The following PHKA1 variants were observed in gnomAD, a reference collection of about 807,000 sequenced individuals.
PHKA1 encodes the protein phosphorylase kinase regulatory subunit alpha 1.
A neutral mutation model predicts 110.2 loss-of-function variants in PHKA1; 60 were observed. The ratio of observed to expected loss-of-function variants is 0.54; its 90% CI spans 0.44 to 0.68. The LOEUF (loss-of-function observed/expected upper bound fraction) is 0.68, where lower values mean the gene tolerates loss of function less well. PHKA1 is among the 30% of genes least tolerant of loss of function. The pLI is 0.00. For synonymous variants in PHKA1, 316 were observed against 333.6 expected (o/e 0.95, Z 0.58); for missense variants, 801 against 942.5 (o/e 0.85, Z 1.97).
At chrX:72,656,711 AAG>A (rs1401306105) in intron 9 of PHKA1, among the ~76,000 whole-genome samples, 6 of 112,027 alleles carry the variant, frequency 5.4e-5, no homozygotes, top group African/African-American at 1.9e-4. Context: ...GAATAACAGA[AAG>A]AGAAGAATCA....
intron 6 of PHKA1, among the ~76,000 whole-genome samples, chrX:72,674,414 G>T (rs373158397): frequency 9.0e-6 from 1 of 111,007 alleles, no homozygotes; most frequent in Non-Finnish European, 1.9e-5. Context: ...CTAGTTTACA[G>T]TCCCACCAAC....
At chrX:72,709,915 C>G (rs782708925) in intron 2 of PHKA1, among the ~76,000 whole-genome samples, 1 of 108,456 alleles carries the variant, frequency 9.2e-6, no homozygotes, top group Non-Finnish European at 1.9e-5. Flanking sequence ...TGGTGGTGCA[C>G]GCCTGTGATC....
chrX:72,662,093 T>C (rs551814086), intron 8 of PHKA1, among the ~76,000 whole-genome samples: 1 of 112,259 alleles, frequency 8.9e-6, no homozygotes, highest in South Asian at 3.7e-4. Flanking sequence ...CTGCAGTCCT[T>C]ACTATAGGAG....
intron 28 of PHKA1, among the ~76,000 whole-genome samples, chrX:72,600,866 C>T (rs782187771): frequency 4.1e-4 from 46 of 111,483 alleles, no homozygotes; most frequent in Non-Finnish European, 6.8e-4. Flanking sequence ...AAAAAAGAAA[C>T]GAAAACTAAA....
Position 72,602,378 on chromosome X carries a change from T to A in PHKA1, c.2918-105A>T. On this transcript the variant is annotated intron_variant, in intron 26 of 31. Transcript: ENST00000373542. Reference sequence around the variant, plus strand: ...TTCATATATATCCTTATTTTTAACTTAATTTAAAAACTATAACCTTGCTAT... The same window carrying A: ...TTCATATATATCCTTATTTTTAACTAAATTTAAAAACTATAACCTTGCTAT... 6 of 534,166 alleles carry A rather than the reference T, an allele frequency of 1.1e-5. No individual in the cohort carries two copies. In the South Asian group the frequency reaches 1.6e-4, roughly 14 times the overall value. 44.0% of individuals were successfully genotyped at this position (534,166 alleles called of 1,213,427 possible).
chrX:72,628,111 G>C (rs2053110702), intron 16 of PHKA1, among the ~76,000 whole-genome samples: 1 of 110,813 alleles, frequency 9.0e-6, no homozygotes. Flanking sequence ...TTACAGGCGT[G>C]AGCCACCGCG....
intron 3 of PHKA1, among the ~76,000 whole-genome samples, chrX:72,701,662 T>A (rs1483776783): frequency 9.0e-6 from 1 of 111,669 alleles, no homozygotes; most frequent in Admixed American, 9.5e-5. Context: ...GAGATTGCAG[T>A]GAGCTGAGAT....
intron 14 of PHKA1, among the ~76,000 whole-genome samples, chrX:72,639,265 G>T (rs1230276833): frequency 8.9e-6 from 1 of 111,929 alleles, no homozygotes. Flanking sequence ...TGGGTGCAGT[G>T]GTTCACGCCT....
intron 5 of PHKA1, among the ~76,000 whole-genome samples, chrX:72,680,863 GC>G (rs1303606591): frequency 1.1e-4 from 8 of 73,270 alleles, no homozygotes; most frequent in African/African-American, 4.6e-4. Context: ...GAGCGGACGG[GC>G]CCCGCGGGGC....
chrX:72,651,005 C>T (rs782575885), intron 12 of PHKA1, among the ~76,000 whole-genome samples: 1 of 112,520 alleles, frequency 8.9e-6, no homozygotes, highest in East Asian at 2.8e-4. Flanking sequence ...TGAGCCACTG[C>T]ACCCAGCTGG....
At position 72,578,974 on chromosome X, in the gene PHKA1, G is replaced by C. The variant is rs1270234777; in HGVS notation, c.*2028C>G. 8.9e-6 allele frequency: 1 copy of C among 112,124 alleles called. No homozygotes were observed. The highest frequency in any genetic ancestry group is 1.9e-5 in the Non-Finnish European group (1 of 53,241). The allele number at this position is 112,124 out of a possible 1,213,427, so 9.2% of individuals were successfully genotyped here. On this transcript the variant is annotated 3_prime_UTR_variant, in exon 32 of 32. Coordinates refer to ENST00000373542, the MANE Select transcript of PHKA1 (RefSeq NM_002637.4). ...AACAAGTCGAGTTTTCTTAAAAGTT[G>C]CTTTAAAAGTTAAATACCACTGTAT...
At chrX:72,672,442 G>A (rs1035439909) in intron 6 of PHKA1, among the ~76,000 whole-genome samples, 6 of 111,622 alleles carry the variant, frequency 5.4e-5, no homozygotes, top group Non-Finnish European at 9.4e-5. Context: ...ACTCTGCAGA[G>A]TCCCAAGGTG....
At chrX:72,667,226 G>A in intron 7 of PHKA1, 149 bp downstream of exon 7, 1 of 503,252 alleles carries the variant, frequency 2.0e-6, no homozygotes. Flanking sequence ...TCTCAGTATA[G>A]TATGCTTGTT....
At chrX:72,620,937 A>C in intron 18 of PHKA1, 36 bp from the exon 19 acceptor site, 1 of 1,191,121 alleles carries the variant, frequency 8.4e-7, no homozygotes, top group Non-Finnish European at 1.1e-6. Context: ...AAGAGAAAAG[A>C]ATGAAAATAT....
intron 25 of PHKA1, among the ~76,000 whole-genome samples, chrX:72,604,354 C>T (rs1423863710): frequency 1.8e-5 from 2 of 110,961 alleles, no homozygotes; most frequent in African/African-American, 3.3e-5. Context: ...CCAGAGGATT[C>T]TTGAAAGGAT....
intron 8 of PHKA1, among the ~76,000 whole-genome samples, chrX:72,662,171 A>G: frequency 8.9e-6 from 1 of 111,741 alleles, no homozygotes. Context: ...CAACTATATT[A>G]CTCCAGAGTA....
At chrX:72,644,073 G>A (rs1302844113) in intron 14 of PHKA1, among the ~76,000 whole-genome samples, 1 of 111,256 alleles carries the variant, frequency 9.0e-6, no homozygotes, top group African/African-American at 3.3e-5. Context: ...AAGAGGTATA[G>A]GCTCCAAGAA....
chrX:72,620,923 G>A (rs1426580160), intron 18 of PHKA1, 22 bp from the exon 19 acceptor site: 3 of 1,203,827 alleles, frequency 2.5e-6, no homozygotes, highest in East Asian at 5.9e-5. Flanking sequence ...GTGGGGGGAG[G>A]GGGAAGAGAA....
chrX:72,595,112 C>T (rs1240138206), intron 28 of PHKA1, among the ~76,000 whole-genome samples: 1 of 111,849 alleles, frequency 8.9e-6, no homozygotes, highest in African/African-American at 3.3e-5. Flanking sequence ...GGGACTGATT[C>T]CAGAAATTCA....
Sources: gnomAD v4.1 joint callset for allele counts (sites outside exome capture counted in the v4.1 genomes callset) on GRCh38, gnomAD v4.1.1 for gene constraint, MANE v1.5 for transcripts, NCBI Gene and HGNC (gene_info 2026-07-23, HGNC 2026-07-21) for gene names.